The following TMPO variants were observed in gnomAD, a reference collection of about 807,000 sequenced individuals.
The protein encoded by TMPO is LEM domain containing 4.
A neutral mutation model predicts 45.4 loss-of-function variants in TMPO; 22 were observed. That is an observed-to-expected ratio of 0.48 (90% CI 0.35 to 0.69). The LOEUF is 0.69. Among genes scored for constraint, TMPO ranks in the 30% least tolerant of loss-of-function variants. The pLI is 0.01. For missense variants in TMPO, 512 were observed against 548.8 expected (o/e 0.93, Z 0.67); for synonymous variants, 241 against 204.1 (o/e 1.18, Z -1.54).
At chr12:98,531,898 G>A in intron 3 of TMPO, 60 bp downstream of exon 3, 4 of 1,448,216 alleles carry the variant, frequency 2.8e-6, no homozygotes, top group Non-Finnish European at 3.8e-6. Context: ...AAAATTCAGT[G>A]ACCATGAAGA....
At chr12:98,516,609 A>G in intron 1 of TMPO, 1 of 923,866 alleles carries the variant, frequency 1.1e-6, no homozygotes, top group African/African-American at 1.8e-5. Flanking sequence ...TGACACTCTA[A>G]TTTCTAACCA....
chr12:98,534,462 A>G lies in TMPO; in HGVS notation c.565+2624A>G. 5 of 1,542,030 alleles carry G rather than the reference A, an allele frequency of 3.2e-6. No homozygotes were observed. In the South Asian group the frequency reaches 4.8e-5, roughly 15 times the overall value. ...GCTAATTACAAAATGTTAAGCTTCT[A>G]CCCATCAAATTACAGTATAAAAGTA... On this transcript the variant is annotated intron_variant, in intron 3 of 8. Coordinates refer to ENST00000556029, the MANE Select transcript of TMPO (RefSeq NM_001032283.3).
chr12:98,516,185 G>T, intron 1 of TMPO, 39 bp downstream of exon 1: 1 of 1,324,170 alleles, frequency 7.6e-7, no homozygotes, highest in Non-Finnish European at 9.6e-7. Context: ...GCGGGCGTTT[G>T]GCGGTTGCCG....
rs541888635 is a variant in TMPO, at chr12:98,530,818, A to G, written c.407-862A>G. ...TCTACCTTGGCAAGTACTATTACGT[A>G]GTAGTAGAGAAAATAAATGCAAGAC... On this transcript the variant is annotated intron_variant, in intron 2 of 8. Coordinates refer to ENST00000556029, the MANE Select transcript of TMPO (RefSeq NM_001032283.3). Among the ~76,000 whole-genome samples, 184 of 152,358 alleles carry G rather than the reference A, an allele frequency of 1.2e-3. 1 individual carries two copies. Among genetic ancestry groups the G allele is most frequent in the South Asian group, 3.5e-3 (17 of 4,830 alleles).
rs11437786 is a variant in TMPO, at chr12:98,518,470, C to CTTTTTTTTTTTTTTT, written c.279+2334_279+2348dup. Among the ~76,000 whole-genome samples, 9 of 83,538 alleles carry CTTTTTTTTTTTTTTT rather than the reference C, an allele frequency of 1.1e-4. 1 individual carries two copies. The highest frequency in any genetic ancestry group is 3.0e-4 in the African/African-American group (6 of 19,768). 54.8% of individuals were successfully genotyped at this position (83,538 alleles called of 152,430 possible). On this transcript the variant is annotated intron_variant, in intron 1 of 8. Coordinates refer to ENST00000556029, the MANE Select transcript of TMPO (RefSeq NM_001032283.3). ...CGCTACACCCGGCTAATTTTCTAATCTTTTTTTTTTTTTTTTTTTTTTTTG... is the reference window on the plus strand; with the variant it reads ...CGCTACACCCGGCTAATTTTCTAATCTTTTTTTTTTTTTTTTTTTTTTTTTTTTTTTTTTTTTTTG...
intron 1 of TMPO, among the ~76,000 whole-genome samples, chr12:98,520,081 T>C (rs899006460): frequency 2.6e-5 from 4 of 151,742 alleles, no homozygotes; most frequent in Non-Finnish European, 4.4e-5. Context: ...TGCCTCAGCC[T>C]CCCAAGTAGC....
intron 8 of TMPO, 78 bp from the exon 9 acceptor site, chr12:98,547,495 A>G (rs550345912): frequency 1.9e-6 from 3 of 1,556,800 alleles, no homozygotes; most frequent in Non-Finnish European, 2.6e-6. Flanking sequence ...TAGGAGTGGC[A>G]ATGACATTTT....
intron 4 of TMPO, among the ~76,000 whole-genome samples, chr12:98,540,814 T>A (rs549503393): frequency 2.6e-5 from 4 of 152,362 alleles, no homozygotes; most frequent in Admixed American, 2.6e-4. Flanking sequence ...ACTTAAATGA[T>A]ATAGCGGCCT....
At chr12:98,534,432 A>G (rs1877442613) in intron 3 of TMPO, 3 of 1,587,848 alleles carry the variant, frequency 1.9e-6, no homozygotes, top group East Asian at 2.2e-5. Flanking sequence ...TAGTTTCCAG[A>G]TAGGGCTAAT....
At chr12:98,539,470 A>C (rs966628769) in intron 4 of TMPO, among the ~76,000 whole-genome samples, 1 of 109,942 alleles carries the variant, frequency 9.1e-6, no homozygotes, top group East Asian at 2.7e-4. Context: ...TTTTTAAATT[A>C]CTTTTTTTTT....
intron 2 of TMPO, among the ~76,000 whole-genome samples, chr12:98,529,228 A>G (rs919428817): frequency 2.0e-5 from 3 of 151,632 alleles, no homozygotes; most frequent in South Asian, 2.1e-4. Flanking sequence ...TAATTTTTAT[A>G]TTTTTAGTAG....
chr12:98,518,547 G>A (rs1287227222), intron 1 of TMPO, among the ~76,000 whole-genome samples: 1 of 136,734 alleles, frequency 7.3e-6, no homozygotes, highest in Non-Finnish European at 1.5e-5. Flanking sequence ...TTGGCCTCAA[G>A]CAATCCTGCC....
At chr12:98,516,654 CT>C in intron 1 of TMPO, 1 of 656,402 alleles carries the variant, frequency 1.5e-6, no homozygotes, top group Non-Finnish European at 1.9e-6. Flanking sequence ...CCTTTTTATA[CT>C]TTTGCGTGTG....
Position 98,535,743 on chromosome 12 carries a change from C to T in TMPO, c.566-1732C>T, listed in dbSNP as rs139336260. 3.8e-6 allele frequency: 3 copies of T among 798,522 alleles called. No homozygotes were observed. In the African/African-American group the frequency reaches 5.6e-5, roughly 15 times the overall value. The allele number at this position is 798,522 out of a possible 1,614,324, so 49.5% of individuals were successfully genotyped here. A position where few individuals can be genotyped will look rare whatever the true frequency, so the allele number is the denominator to read the frequency against. ...TTTTCCATTTCATCATTGAAACTCA[C>T]TTTGACATTTCAGTGGTATAATTGA... On this transcript the variant is annotated intron_variant, in intron 3 of 8. Coordinates refer to ENST00000556029, the MANE Select transcript of TMPO (RefSeq NM_001032283.3).
intron 3 of TMPO, chr12:98,535,367 G>GT: frequency 1.0e-6 from 1 of 985,084 alleles, no homozygotes; most frequent in Non-Finnish European, 1.2e-6. Flanking sequence ...TTCTGTGATT[G>GT]TAAGTTAAGA....
chr12:98,528,312 T>C lies in TMPO; in HGVS notation c.406+300T>C, dbSNP rs151159739. Among the ~76,000 whole-genome samples, 76 of 151,634 alleles carry C rather than the reference T, an allele frequency of 5.0e-4. 1 individual carries two copies. The East Asian group carries it at 0.013, about 26-fold the overall frequency. ...GTTTTTTTGAGACGGAGTCTTGCTC[T>C]GTCGCCCAGGCTGTAGTGCAGTGAC... On this transcript the variant is annotated intron_variant, in intron 2 of 8. Transcript: ENST00000556029.
chr12:98,533,877 C>A lies in TMPO; in HGVS notation c.565+2039C>A. ...CAGTTCCAAAAGTAGATGATGAAAT[C>A]CTAGGGTTTATTTCTGAAGCCACTC... On this transcript the variant is annotated intron_variant, in intron 3 of 8. Transcript: ENST00000556029. 5 of 1,614,172 alleles carry A rather than the reference C, an allele frequency of 3.1e-6. No homozygotes were observed. Among genetic ancestry groups the A allele is most frequent in the Non-Finnish European group, 4.2e-6 (5 of 1,180,026 alleles).
intron 8 of TMPO, 40 bp downstream of exon 8, chr12:98,546,487 T>A (rs1878235895): frequency 5.9e-6 from 8 of 1,348,586 alleles, no homozygotes; most frequent in African/African-American, 1.4e-5. Context: ...TGTATTCTAG[T>A]AGGGAATCTT....
At chr12:98,545,698 C>T (rs931335204) in intron 7 of TMPO, among the ~76,000 whole-genome samples, 2 of 151,340 alleles carry the variant, frequency 1.3e-5, no homozygotes, top group Non-Finnish European at 2.9e-5. Flanking sequence ...TGTATTTTAT[C>T]TTTTACTACA....
Sources: allele counts gnomAD v4.1 joint callset (sites outside exome capture counted in the v4.1 genomes callset), GRCh38; gene constraint gnomAD v4.1.1; transcripts MANE v1.5; gene names NCBI Gene and HGNC (gene_info 2026-07-23, HGNC 2026-07-21).